The following NFKBID variants were observed in gnomAD, a reference collection of about 807,000 sequenced individuals.
NFKBID encodes NFKB inhibitor delta.
Under a neutral mutation model 53.4 loss-of-function variants are expected in NFKBID, and 26 were observed. The observed-to-expected ratio is 0.49, with a 90% CI of 0.36 to 0.68. The LOEUF is 0.68. NFKBID is among the 30% of genes least tolerant of loss of function. The probability of loss-of-function intolerance (pLI) is 0.00; values close to 1 mark genes in which losing one functional copy is unlikely to be tolerated. For missense variants in NFKBID, 493 were observed against 614.1 expected (o/e 0.80, Z 2.08); for synonymous variants, 262 against 259.8 (o/e 1.01, Z -0.08).
intron 9 of NFKBID, among the ~76,000 whole-genome samples, chr19:35,894,520 A>G (rs1455012000): frequency 2.6e-5 from 4 of 152,042 alleles, no homozygotes; most frequent in Non-Finnish European, 4.4e-5. Flanking sequence ...CAACCTGGCC[A>G]ACATAGTTAG....
At chr19:35,900,072 A>ACCCC (rs1568498131) in intron 1 of NFKBID, among the ~76,000 whole-genome samples, 2 of 792 alleles carry the variant, frequency 2.5e-3, no homozygotes, top group Non-Finnish European at 2.6e-3. Flanking sequence ...TTAAGCAACC[A>ACCCC]CGCCCCCCCC....
intron 9 of NFKBID, among the ~76,000 whole-genome samples, chr19:35,894,284 G>A (rs1974979576): frequency 6.6e-6 from 1 of 151,986 alleles, no homozygotes; most frequent in African/African-American, 2.4e-5. Context: ...ATTTTTTGTG[G>A]ATGTTTAATT....
At chr19:35,891,849 AGAGT>A (rs1974789102) in intron 9 of NFKBID, among the ~76,000 whole-genome samples, 1 of 151,700 alleles carries the variant, frequency 6.6e-6, no homozygotes, top group South Asian at 2.1e-4. Flanking sequence ...CCTGGGCAAC[AGAGT>A]GAGACTCCGT....
upstream of NFKBID, among the ~76,000 whole-genome samples, chr19:35,901,210 G>T (rs1219921692): frequency 6.6e-6 from 1 of 151,794 alleles, no homozygotes; most frequent in Non-Finnish European, 1.5e-5. Flanking sequence ...GGGGGTAGGG[G>T]TAGGAGTGGG....
intron 1 of NFKBID, among the ~76,000 whole-genome samples, chr19:35,899,319 C>T (rs1975412502): frequency 2.0e-5 from 3 of 152,124 alleles, no homozygotes; most frequent in South Asian, 2.1e-4. Context: ...GTGGCTCACG[C>T]CTGTAATCCC....
intron 4 of NFKBID, 184 bp downstream of exon 4, chr19:35,897,467 C>T (rs1308995390): frequency 2.7e-5 from 17 of 639,570 alleles, no homozygotes; most frequent in Admixed American, 1.1e-4. Context: ...TGGTCTCAAA[C>T]GCCTGACCTC....
chr19:35,890,950 C>T (rs919408754), intron 9 of NFKBID, among the ~76,000 whole-genome samples: 9 of 152,068 alleles, frequency 5.9e-5, no homozygotes, highest in African/African-American at 1.7e-4. Context: ...TCTTGTGCAC[C>T]GCACAACACC....
chr19:35,891,675 C>T (rs977751661), intron 9 of NFKBID, among the ~76,000 whole-genome samples: 16 of 152,004 alleles, frequency 1.1e-4, no homozygotes, highest in Admixed American at 3.9e-4. Context: ...TCGAGACCAG[C>T]CTGGCCAACA....
exon 10 of NFKBID, chr19:35,890,394 G>T (rs750159123): frequency 1.2e-6 from 2 of 1,612,386 alleles, no homozygotes; most frequent in East Asian, 4.5e-5. Flanking sequence ...ACAAAGGTCC[G>T]CAGGTCTCCC....
exon 4 of NFKBID, chr19:35,897,784 T>A (rs1389695343): frequency 6.2e-7 from 1 of 1,605,310 alleles, no homozygotes; most frequent in Non-Finnish European, 8.5e-7. Context: ...CGTGTTGGGG[T>A]CCCAGTCTGG....
intron 9 of NFKBID, among the ~76,000 whole-genome samples, chr19:35,890,912 C>T (rs1374015135): frequency 6.6e-6 from 1 of 152,124 alleles, no homozygotes; most frequent in Non-Finnish European, 1.5e-5. Context: ...CTGCGAGCCC[C>T]ACCAAGAGTG....
In NFKBID at chr19:35,894,028, G is replaced by A. The variant is rs533532694; in HGVS notation, c.1032+1952C>T. ...CCAGCACTTTGGGAGGCCAAGGCGG[G>A]CGGCTCACCTGAGGTCAGGAGTTTG... On this transcript the variant is annotated intron_variant, in intron 9 of 11. Transcript: ENST00000641389. Among the ~76,000 whole-genome samples, 6 of 152,146 alleles carry A rather than the reference G, an allele frequency of 3.9e-5. No individual in the cohort carries two copies. The South Asian group carries it at 1.2e-3, about 32-fold the overall frequency.
At chr19:35,897,132 A>G (rs1975233151) in intron 4 of NFKBID, 74 bp from the exon 5 acceptor site, 1 of 1,493,918 alleles carries the variant, frequency 6.7e-7, no homozygotes, top group Non-Finnish European at 9.0e-7. Flanking sequence ...GGGGAGACCC[A>G]GTCAGCTGAG....
chr19:35,900,827 C>CTTTTTTTTT (rs60365058), upstream of NFKBID, among the ~76,000 whole-genome samples: 45 of 107,584 alleles, frequency 4.2e-4, no homozygotes, highest in Non-Finnish European at 6.8e-4. Flanking sequence ...TTTTTCTTTT[C>CTTTTTTTTT]TTTTTTTTTT....
At chr19:35,890,477 T>A (rs757606109) in exon 10 of NFKBID, 1 of 1,612,922 alleles carries the variant, frequency 6.2e-7, no homozygotes, top group Non-Finnish European at 8.5e-7. Context: ...AACTGTCTTG[T>A]TGCTCTTGAT....
chr19:35,891,284 G>A (rs564983925), intron 9 of NFKBID, among the ~76,000 whole-genome samples: 2 of 152,318 alleles, frequency 1.3e-5, no homozygotes, highest in East Asian at 3.9e-4. Context: ...GTGTCTTTAA[G>A]GAGTTTGTAA....
chr19:35,896,037 T>G lies in NFKBID; in HGVS notation c.975A>C (p.Arg325=). 6.2e-7 allele frequency: 1 copy of G among 1,614,188 alleles called. No individual in the cohort carries two copies. Among genetic ancestry groups the G allele is most frequent in the Non-Finnish European group, 8.5e-7 (1 of 1,180,022 alleles). Residue 325 remains arginine, a synonymous_variant, in exon 9 of 12, where the codon CGA becomes CGC. Transcript: ENST00000641389. This position sits in a 1 kb window ranked among gnomAD's most constrained non-coding sequence, Gnocchi z 5.7. Reference sequence around the variant, plus strand: ...ACATGTGGACACAATCCAGCCTGTCTCGGGCCTGTGTGCTCAGCACCCGGG... The same window carrying G: ...ACATGTGGACACAATCCAGCCTGTCGCGGGCCTGTGTGCTCAGCACCCGGG...
rs561004258 is a variant in NFKBID at position 35,890,687 on chromosome 19, G to A, written c.1033-197C>T. The A allele has an allele frequency of 3.7e-5, 24 of 645,074 alleles. 1 individual carries two copies. Among genetic ancestry groups the A allele is most frequent in the South Asian group, 3.5e-4 (23 of 66,024 alleles). 40.0% of individuals were successfully genotyped at this position (645,074 alleles called of 1,614,324 possible). A position where few individuals can be genotyped will look rare whatever the true frequency, so the allele number is the denominator to read the frequency against. On this transcript the variant is annotated intron_variant, in intron 9 of 11. Coordinates refer to ENST00000641389, the Ensembl canonical transcript of NFKBID. ...CAGACCAGCCTGGACAACACAGCAA[G>A]ACCTCATCTCTACAAAAAATAGAAA...
chr19:35,900,650 A>C (rs1164543931), exon 1 of NFKBID: 2 of 1,228,846 alleles, frequency 1.6e-6, no homozygotes, highest in African/African-American at 1.6e-5. Flanking sequence ...GCTCCGGCGA[A>C]CGCAGTCCCT....
Sources: gnomAD v4.1 joint callset for allele counts (sites outside exome capture counted in the v4.1 genomes callset) on GRCh38, gnomAD v4.1.1 for gene constraint, Gnocchi (gnomAD v3.1) non-coding constraint, MANE v1.5 for transcripts, NCBI Gene and HGNC (gene_info 2026-07-23, HGNC 2026-07-21) for gene names.